LAMA2: variants seen among roughly 807,000 people sequenced by gnomAD.
LAMA2 encodes laminin subunit alpha-2.
Under a neutral mutation model 364.8 loss-of-function variants are expected in LAMA2, and 269 were observed. That is an observed-to-expected ratio of 0.74 (90% CI 0.67 to 0.82). LAMA2 has a LOEUF of 0.82. Among genes scored for constraint, LAMA2 ranks in the 40% least tolerant of loss-of-function variants. The pLI, the probability that LAMA2 is intolerant of heterozygous loss-of-function variation, is 0.00. For synonymous variants in LAMA2, 1,379 were observed against 1,370.6 expected (o/e 1.01, Z -0.14); for missense variants, 3,807 against 3,873.2 (o/e 0.98, Z 0.45).
At chr6:129,353,424 G>T in intron 32 of LAMA2, 67 bp downstream of exon 32, 23 of 1,283,480 alleles carry the variant, frequency 1.8e-5, no homozygotes, top group Non-Finnish European at 2.5e-5. Flanking sequence ...TTTCCAATGA[G>T]AAAGAGTGAC....
chr6:129,251,014 CTTTCTCTCTCTCTCTGTCTCTCTCTT>C, intron 13 of LAMA2, among the ~76,000 whole-genome samples: 1 of 146,570 alleles, frequency 6.8e-6, no homozygotes, highest in African/African-American at 2.5e-5. Context: ...CTGTCTCTCT[CTTTCTCTCTCTCTCTGTCTCTCTCTT>C]TCTCTCTCTC....
At chr6:128,883,438 T>A in intron 1 of LAMA2, 81 bp downstream of exon 1, 1 of 1,539,624 alleles carries the variant, frequency 6.5e-7, no homozygotes, top group African/African-American at 1.4e-5. Flanking sequence ...CGAGAGTTGC[T>A]GTCTGTGGAC....
In LAMA2 at chr6:129,503,223, G is replaced by A. The variant is rs2114891442; in HGVS notation, c.8490G>A (p.Gly2830=). ...NGLPYFSYDL[G]SGDTHTMIPT... The stretch of plus-strand genomic sequence containing the variant: ...TGCCCTACTTCAGCTATGACTTGGG[G>A]AGTGGGGACACCCACACCATGATCC... Residue 2830 remains glycine (G), a synonymous_variant, in exon 60 of 65, where the codon GGG becomes GGA. Transcript: ENST00000421865. The A allele has an allele frequency of 3.7e-6, 6 of 1,614,094 alleles. No individual in the cohort carries two copies. The highest frequency in any genetic ancestry group is 1.1e-5 in the South Asian group (1 of 91,076).
intron 4 of LAMA2, among the ~76,000 whole-genome samples, chr6:129,140,024 C>T (rs1304419280): frequency 6.6e-6 from 1 of 152,150 alleles, no homozygotes; most frequent in Non-Finnish European, 1.5e-5. Flanking sequence ...CCCATCCATC[C>T]ATTCACTCAA....
intron 45 of LAMA2, among the ~76,000 whole-genome samples, chr6:129,448,368 T>C (rs1782498704): frequency 6.6e-6 from 1 of 152,132 alleles, no homozygotes; most frequent in Non-Finnish European, 1.5e-5. Flanking sequence ...TTCAAAGAAA[T>C]TCCCAATCAG....
At position 129,274,669 on chromosome 6, in the gene LAMA2, T is replaced by C. The variant is rs953136889; in HGVS notation, c.2450+3918T>C. Among the ~76,000 whole-genome samples the C allele has an allele frequency of 1.7e-4, 26 of 152,006 alleles. 1 individual carries two copies. On this transcript the variant is annotated intron_variant, in intron 17 of 64. Coordinates refer to ENST00000421865, the MANE Select transcript of LAMA2 (RefSeq NM_000426.4). Reference sequence around the variant, plus strand: ...ATATAATATTTAAATTATACATATATATCAACTTCATCAACTATTTATGGT... The same window carrying C: ...ATATAATATTTAAATTATACATATACATCAACTTCATCAACTATTTATGGT...
intron 1 of LAMA2, among the ~76,000 whole-genome samples, chr6:128,942,988 T>C (rs942943212): frequency 1.3e-5 from 2 of 152,216 alleles, no homozygotes; most frequent in South Asian, 2.1e-4. Flanking sequence ...AAGACTTTCA[T>C]TGTCATCAGT....
At chr6:129,308,860 A>G (rs1301249377) in intron 22 of LAMA2, among the ~76,000 whole-genome samples, 1 of 152,130 alleles carries the variant, frequency 6.6e-6, no homozygotes, top group Non-Finnish European at 1.5e-5. Flanking sequence ...TCAGGAGAAA[A>G]GCAGGGATGC....
chr6:129,005,228 A>T (rs1389679135), intron 1 of LAMA2, among the ~76,000 whole-genome samples: 2 of 151,966 alleles, frequency 1.3e-5, no homozygotes, highest in Admixed American at 6.6e-5. Context: ...ATAAGGCAGT[A>T]ATTTTTAATT....
intron 41 of LAMA2, among the ~76,000 whole-genome samples, chr6:129,432,537 A>T (rs747583305): frequency 2.3e-4 from 35 of 152,190 alleles, no homozygotes; most frequent in Non-Finnish European, 2.6e-4. Flanking sequence ...TCAGAATCAG[A>T]GTCTGAGATT....
At position 129,154,482 on chromosome 6, in the gene LAMA2, T is replaced by C. The variant is rs1287684279; in HGVS notation, c.1028-23T>C. ...TATCTGAAATCAAATTGATGTTTAT[T>C]AATTTATTTTTCCTTAATGCAGCAT... is the stretch of plus-strand genomic sequence containing the variant. On this transcript the variant is annotated intron_variant, in intron 7 of 64. Coordinates refer to ENST00000421865, the MANE Select transcript of LAMA2 (RefSeq NM_000426.4). The C allele has an allele frequency of 1.9e-6, 3 of 1,574,766 alleles. No individual in the cohort carries two copies. The East Asian group carries it at 6.7e-5, about 35-fold the overall frequency.
chr6:129,137,920 A>G (rs934358702), intron 4 of LAMA2, among the ~76,000 whole-genome samples: 2 of 152,218 alleles, frequency 1.3e-5, no homozygotes, highest in African/African-American at 4.8e-5. Flanking sequence ...AGGGGGAGTC[A>G]AGGGAGTTTG....
intron 1 of LAMA2, among the ~76,000 whole-genome samples, chr6:128,997,373 A>AGG (rs1784037515): frequency 7.1e-6 from 1 of 141,090 alleles, no homozygotes; most frequent in Admixed American, 7.1e-5. Context: ...AAAGAAAGAG[A>AGG]GAGAGAGAAA....
At chr6:129,265,719 G>A (rs140990394) in intron 15 of LAMA2, among the ~76,000 whole-genome samples, 1 of 151,358 alleles carries the variant, frequency 6.6e-6, no homozygotes, top group Non-Finnish European at 1.5e-5. Context: ...CTGTCGGAGG[G>A]TGGGGGGCTA....
chr6:129,110,437 A>T (rs1434393637), intron 4 of LAMA2, among the ~76,000 whole-genome samples: 2 of 152,036 alleles, frequency 1.3e-5, no homozygotes, highest in Non-Finnish European at 2.9e-5. Flanking sequence ...ATTTTACGTT[A>T]CCTAAGTAGA....
At chr6:129,139,781 A>G (rs528093524) in intron 4 of LAMA2, among the ~76,000 whole-genome samples, 4 of 152,196 alleles carry the variant, frequency 2.6e-5, no homozygotes, top group African/African-American at 9.6e-5. Context: ...CTTTGTCCAT[A>G]TCTGTACATC....
chr6:129,168,999 G>T (rs1351208650), intron 9 of LAMA2, among the ~76,000 whole-genome samples: 1 of 152,128 alleles, frequency 6.6e-6, no homozygotes, highest in African/African-American at 2.4e-5. Context: ...TGTGACTTTT[G>T]TACATTGATT....
intron 17 of LAMA2, 123 bp downstream of exon 17, chr6:129,270,874 T>A: frequency 9.5e-7 from 1 of 1,048,652 alleles, no homozygotes; most frequent in East Asian, 2.6e-5. Flanking sequence ...CATGAATTTT[T>A]TCAGGAAAAT....
intron 1 of LAMA2, among the ~76,000 whole-genome samples, chr6:128,941,335 T>C (rs1582731082): frequency 6.6e-6 from 1 of 152,172 alleles, no homozygotes; most frequent in Non-Finnish European, 1.5e-5. Context: ...GTGGGGGAGG[T>C]TCACTGTGGC....
Sources: allele counts gnomAD v4.1 joint callset (sites outside exome capture counted in the v4.1 genomes callset), GRCh38; gene constraint gnomAD v4.1.1; transcripts MANE v1.5; gene names NCBI Gene and HGNC (gene_info 2026-07-23, HGNC 2026-07-21).